Variants in TRIM13 observed in about 807,000 individuals in gnomAD.
TRIM13 encodes tripartite motif containing 13.
Under a neutral mutation model 27.1 loss-of-function variants are expected in TRIM13, and 15 were observed. The observed-to-expected ratio is 0.55, with a 90% CI of 0.37 to 0.85. The LOEUF (loss-of-function observed/expected upper bound fraction) is 0.85, where lower values mean the gene tolerates loss of function less well. Ranked by LOEUF, TRIM13 falls within the 40% of genes least tolerant of loss-of-function variation. The pLI is 0.00. For missense variants in TRIM13, 402 were observed against 472.2 expected (o/e 0.85, Z 1.38); for synonymous variants, 193 against 171.5 (o/e 1.13, Z -0.98).
chr13:50,002,946 C>T (rs1874230769), intron 1 of TRIM13, among the ~76,000 whole-genome samples: 1 of 152,146 alleles, frequency 6.6e-6, no homozygotes, highest in Non-Finnish European at 1.5e-5. Context: ...CATGCATGAG[C>T]CAATGCACCT....
chr13:50,009,323 G>A (rs1205148471), intron 1 of TRIM13, among the ~76,000 whole-genome samples: 2 of 152,160 alleles, frequency 1.3e-5, no homozygotes, highest in Non-Finnish European at 2.9e-5. Flanking sequence ...AATAAACGAA[G>A]AAGGCTGGGT....
intron 1 of TRIM13, among the ~76,000 whole-genome samples, chr13:50,006,095 A>C (rs1874674351): frequency 1.3e-5 from 2 of 152,124 alleles, no homozygotes; most frequent in Non-Finnish European, 2.9e-5. Context: ...GTCACTAAAA[A>C]TGAAATTAGA....
rs1555325057 is a variant in TRIM13 at position 50,014,344 on chromosome 13, A to AAAAAAAATATAT, written c.*1181_*1182insAAAAAATATATA. On this transcript the variant is annotated 3_prime_UTR_variant, in exon 2 of 2. Transcript: ENST00000378182. ...AAAAAAAAAAAAAAAAAAAAAAAAA[A>AAAAAAAATATAT]ATATATATATATATATACACACACA... The AAAAAAAATATAT allele has an allele frequency of 3.5e-4, 7 of 19,724 alleles. No homozygotes were observed. Among genetic ancestry groups the AAAAAAAATATAT allele is most frequent in the African/African-American group, 4.1e-4 (2 of 4,892 alleles). 1.2% of individuals were successfully genotyped at this position (19,724 alleles called of 1,614,324 possible).
intron 1 of TRIM13, among the ~76,000 whole-genome samples, chr13:50,007,306 T>C (rs938542911): frequency 6.6e-6 from 1 of 151,006 alleles, no homozygotes; most frequent in Middle Eastern, 3.5e-3. Context: ...CTGTCCAAGA[T>C]GGTGAAACCC....
chr13:50,009,840 T>G (rs968553005), intron 1 of TRIM13, among the ~76,000 whole-genome samples: 1 of 151,302 alleles, frequency 6.6e-6, no homozygotes, highest in Non-Finnish European at 1.5e-5. Context: ...CTTGGGAGGA[T>G]CTCACTTGAG....
chr13:50,012,949 G>C lies in TRIM13; in HGVS notation c.1009G>C (p.Glu337Gln), dbSNP rs1875841764. 1.2e-6 allele frequency: 2 copies of C among 1,613,830 alleles called. No individual in the cohort carries two copies. Among genetic ancestry groups the C allele is most frequent in the African/African-American group, 2.7e-5 (2 of 74,974 alleles). ...VIVFGPTMFLEWSLFDDLATW... is the reference protein window; with the variant it reads ...VIVFGPTMFLQWSLFDDLATW... Reference sequence around the variant, plus strand: ...TGTCTTTGGTCCTACCATGTTCCTAGAATGGTCATTATTTGATGACCTGGC... The same window carrying C: ...TGTCTTTGGTCCTACCATGTTCCTACAATGGTCATTATTTGATGACCTGGC... The change falls in exon 2 of 2, where the codon GAA becomes CAA. Residue 337 changes from glutamate (E) to glutamine (Q), a missense_variant. Glu to Gln is a conservative substitution (Grantham distance 29). Coordinates refer to ENST00000378182, the MANE Select transcript of TRIM13 (RefSeq NM_213590.3).
intron 1 of TRIM13, among the ~76,000 whole-genome samples, chr13:50,000,829 G>T (rs1437160129): frequency 6.6e-6 from 1 of 152,140 alleles, no homozygotes; most frequent in African/African-American, 2.4e-5. Flanking sequence ...TTTCAGTATG[G>T]TGTCAATATT....
intron 1 of TRIM13, 53 bp from the exon 2 acceptor site, chr13:50,011,882 A>C: frequency 6.7e-7 from 1 of 1,496,346 alleles, no homozygotes; most frequent in South Asian, 1.4e-5. Context: ...ATTATTACAT[A>C]GTCCTAGTGG....
rs1876547125 is a variant in TRIM13 at position 50,016,217 on chromosome 13, A to C, written c.*3053A>C. 1 of 619,332 alleles carries C rather than the reference A, an allele frequency of 1.6e-6. No homozygotes were observed. Among genetic ancestry groups the C allele is most frequent in the Non-Finnish European group, 2.8e-6 (1 of 351,674 alleles). The allele number at this position is 619,332 out of a possible 1,614,324, so 38.4% of individuals were successfully genotyped here. On this transcript the variant is annotated 3_prime_UTR_variant, in exon 2 of 2. Transcript: ENST00000378182. ...GTAACCAGTGGAGTTGGGTAGAATG[A>C]CCAAATAATTATTTTCCAAACTGGG...
chr13:50,016,257 GAAAGGGGC>G lies in TRIM13; in HGVS notation c.*3094_*3101del. The G allele has an allele frequency of 3.5e-6, 2 of 569,136 alleles. No homozygotes were observed. The highest frequency in any genetic ancestry group is 6.5e-5 in the Admixed American group (2 of 30,672). 35.3% of individuals were successfully genotyped at this position (569,136 alleles called of 1,614,324 possible). On this transcript the variant is annotated 3_prime_UTR_variant, in exon 2 of 2. Transcript: ENST00000378182. ...TCCAAACTGGGATACTTTTTAGAGT[GAAAGGGGC>G]TATTATTAGGTGGGACAAAAGGAAT...
At chr13:50,009,736 C>CAAAA (rs35561642) in intron 1 of TRIM13, among the ~76,000 whole-genome samples, 63 of 101,090 alleles carry the variant, frequency 6.2e-4, no homozygotes, top group South Asian at 1.1e-3. Context: ...GACTCCGTCT[C>CAAAA]AAAAAAAAAA....
At chr13:50,009,020 CAAAAAAAAAAAAAA>C (rs35407149) in intron 1 of TRIM13, among the ~76,000 whole-genome samples, 11 of 68,066 alleles carry the variant, frequency 1.6e-4, no homozygotes, top group African/African-American at 5.2e-4. Context: ...AAAGCTGTCT[CAAAAAAAAAAAAAA>C]AAAAAAAAAG....
In TRIM13 at chr13:50,005,195, T is replaced by A. The variant is rs778073501; in HGVS notation, c.-6-6740T>A. Among the ~76,000 whole-genome samples, 5 of 152,244 alleles carry A rather than the reference T, an allele frequency of 3.3e-5. No individual in the cohort carries two copies. In the South Asian group the frequency reaches 1.0e-3, roughly 32 times the overall value. ...TTCAGATTTTGTGTTAGCCATACTT[T>A]AAGATTTTGTAAGTTATTTTGCTGT... On this transcript the variant is annotated intron_variant, in intron 1 of 1. Coordinates refer to ENST00000378182, the MANE Select transcript of TRIM13 (RefSeq NM_213590.3).
chr13:50,001,339 T>A (rs1874018291), intron 1 of TRIM13, among the ~76,000 whole-genome samples: 1 of 144,496 alleles, frequency 6.9e-6, no homozygotes, highest in Non-Finnish European at 1.5e-5. Context: ...TAAACTATGG[T>A]ATGGAGAAGA....
intron 1 of TRIM13, among the ~76,000 whole-genome samples, chr13:50,004,779 TAAAA>T (rs562881816): frequency 8.5e-6 from 1 of 118,024 alleles, no homozygotes; most frequent in Non-Finnish European, 1.8e-5. Flanking sequence ...GACCCTGTCT[TAAAA>T]AAAAAAAAAG....
chr13:50,003,794 G>T (rs9596221), intron 1 of TRIM13, among the ~76,000 whole-genome samples: 281 of 152,234 alleles, frequency 1.8e-3, no homozygotes, highest in African/African-American at 6.5e-3. Flanking sequence ...ATGCAACTTT[G>T]TTAAAAATAA....
rs369999399 is a variant in TRIM13, at chr13:50,013,012, C to T, written c.1072C>T (p.Leu358=). Residue 358 remains leucine, a synonymous_variant, in exon 2 of 2, where the codon CTG becomes TTG. Coordinates refer to ENST00000378182, the MANE Select transcript of TRIM13 (RefSeq NM_213590.3). ...KGCLSNFSSY[L]TKTADFIEQS... Reference sequence around the variant, plus strand: ...CTGTCTTTCAAACTTCAGTTCCTATCTGACTAAAACAGCCGATTTCATAGA... The same window carrying T: ...CTGTCTTTCAAACTTCAGTTCCTATTTGACTAAAACAGCCGATTTCATAGA... 1 of 1,613,974 alleles carries T rather than the reference C, an allele frequency of 6.2e-7. No homozygotes were observed. The highest frequency in any genetic ancestry group is 8.5e-7 in the Non-Finnish European group (1 of 1,179,972).
intron 1 of TRIM13, among the ~76,000 whole-genome samples, chr13:50,005,108 A>G (rs1874522828): frequency 6.6e-6 from 1 of 152,076 alleles, no homozygotes; most frequent in South Asian, 2.1e-4. Context: ...AAACCCCGAA[A>G]AAGAGGTGGA....
rs142866917 is a variant in TRIM13, at chr13:50,009,122, C to T, written c.-6-2813C>T. 1.4e-3 allele frequency among the ~76,000 whole-genome samples: 198 copies of T among 138,570 alleles called. 2 individuals are homozygous for T. The South Asian group carries it at 0.02, about 14-fold the overall frequency. 90.9% of individuals were successfully genotyped at this position (138,570 alleles called of 152,430 possible). A position where few individuals can be genotyped will look rare whatever the true frequency, so the allele number is the denominator to read the frequency against. The stretch of plus-strand genomic sequence containing the variant: ...TAAAACAATTTTTAAAAAATACTCA[C>T]GTAAAATAACAATGATAAACCCATT... On this transcript the variant is annotated intron_variant, in intron 1 of 1. Coordinates refer to ENST00000378182, the MANE Select transcript of TRIM13 (RefSeq NM_213590.3).
Sources: gnomAD v4.1 joint callset for allele counts (sites outside exome capture counted in the v4.1 genomes callset) on GRCh38, gnomAD v4.1.1 for gene constraint, MANE v1.5 for transcripts, NCBI Gene and HGNC (gene_info 2026-07-23, HGNC 2026-07-21) for gene names.